Variants in STAB2 observed in about 807,000 individuals in gnomAD.
STAB2 encodes the protein stabilin 2, also known as stabilin-2.
A neutral mutation model predicts 338.1 loss-of-function variants in STAB2; 288 were observed. That is an observed-to-expected ratio of 0.85 (90% CI 0.77 to 0.94). The LOEUF (loss-of-function observed/expected upper bound fraction) is 0.94, where lower values mean the gene tolerates loss of function less well. Ranked by LOEUF, STAB2 falls within the 40% of genes least tolerant of loss-of-function variation. STAB2 has a pLI of 0.00. For missense variants in STAB2, 3,141 were observed against 3,210.1 expected (o/e 0.98, Z 0.52); for synonymous variants, 1,202 against 1,193.3 (o/e 1.01, Z -0.15).
At chr12:103,755,235 A>G (rs1884005279) in intron 61 of STAB2, 67 bp from the exon 62 acceptor site, 2 of 1,579,920 alleles carry the variant, frequency 1.3e-6, no homozygotes, top group African/African-American at 1.3e-5. Flanking sequence ...GGAATCAGAC[A>G]TTAACCAAGT....
In STAB2 at chr12:103,708,460, G is replaced by A; in HGVS notation, c.4212G>A (p.Gly1404=). The part of the protein sequence containing the change: ...HCDQACSCVH[G]RCNQGPLGDG... ...ACTTAGCATGTTCTTGTGTCCATGG[G>A]AGATGCAACCAAGGACCCTTGGGAG... Residue 1404 remains glycine (G), a synonymous_variant, in exon 39 of 69, where the codon GGG becomes GGA. Coordinates refer to ENST00000388887, the MANE Select transcript of STAB2 (RefSeq NM_017564.10). 6.2e-7 allele frequency: 1 copy of A among 1,614,112 alleles called. No individual in the cohort carries two copies. The highest frequency in any genetic ancestry group is 8.5e-7 in the Non-Finnish European group (1 of 1,179,978).
intron 38 of STAB2, 66 bp downstream of exon 38, chr12:103,707,053 G>T: frequency 6.4e-7 from 1 of 1,564,352 alleles, no homozygotes; most frequent in South Asian, 1.2e-5. Context: ...TGCAGGGAAA[G>T]AGTGATCCCA....
At chr12:103,682,642 C>G (rs968991675) in intron 25 of STAB2, among the ~76,000 whole-genome samples, 2 of 152,056 alleles carry the variant, frequency 1.3e-5, no homozygotes, top group Non-Finnish European at 2.9e-5. Context: ...TCCATAGGAC[C>G]CTCTGGAGTA....
rs1437063847 is a variant in STAB2, at chr12:103,746,831, C to T, written c.6244+127C>T. On this transcript the variant is annotated intron_variant, in intron 58 of 68. Coordinates refer to ENST00000388887, the MANE Select transcript of STAB2 (RefSeq NM_017564.10). ...GGGCCACTTCAGCAGCACCTACCCT[C>T]TCTATGACTCAGTTTCTTTAATGGG... 4.9e-6 allele frequency: 4 copies of T among 808,672 alleles called. No individual in the cohort carries two copies. In the African/African-American group the frequency reaches 5.1e-5, roughly 10 times the overall value. 50.1% of individuals were successfully genotyped at this position (808,672 alleles called of 1,614,324 possible).
intron 59 of STAB2, 106 bp from the exon 60 acceptor site, chr12:103,750,473 G>A: frequency 7.0e-7 from 1 of 1,431,114 alleles, no homozygotes; most frequent in East Asian, 2.3e-5. Context: ...CGTTCTCTTG[G>A]TCCATCTGAA....
intron 67 of STAB2, 86 bp downstream of exon 67, chr12:103,762,488 G>A (rs1002584563): frequency 3.8e-5 from 61 of 1,593,088 alleles, no homozygotes; most frequent in East Asian, 3.4e-4. Flanking sequence ...CGGTGGCTGC[G>A]CCAGAGTCCT....
intron 34 of STAB2, among the ~76,000 whole-genome samples, chr12:103,702,331 G>T (rs775611834): frequency 6.8e-6 from 1 of 146,886 alleles, no homozygotes; most frequent in African/African-American, 2.5e-5. Context: ...TCGCTCTGTC[G>T]CCCAGGCCGG....
chr12:103,588,187 C>T (rs1956741959), intron 1 of STAB2, among the ~76,000 whole-genome samples: 1 of 152,330 alleles, frequency 6.6e-6, no homozygotes, highest in Non-Finnish European at 1.5e-5. Flanking sequence ...TGAATCTTAA[C>T]CATGATTCTG....
At chr12:103,754,389 GT>G (rs1883931203) in intron 61 of STAB2, among the ~76,000 whole-genome samples, 1 of 152,106 alleles carries the variant, frequency 6.6e-6, no homozygotes, top group Non-Finnish European at 1.5e-5. Context: ...TGCCAGCTGT[GT>G]GACTTTGAGC....
chr12:103,683,036 C>A (rs1353722867), intron 25 of STAB2, among the ~76,000 whole-genome samples, 169 bp from the exon 26 acceptor site: 1 of 152,116 alleles, frequency 6.6e-6, no homozygotes, highest in African/African-American at 2.4e-5. Flanking sequence ...AATATGGAGA[C>A]TAATAACTCT....
intron 36 of STAB2, 117 bp downstream of exon 36, chr12:103,704,731 TA>T (rs1879189691): frequency 1.1e-6 from 1 of 895,240 alleles, no homozygotes; most frequent in Non-Finnish European, 1.7e-6. Flanking sequence ...TAATTTGAAT[TA>T]CACTTTACCT....
chr12:103,730,685 C>A (rs1306379576), intron 49 of STAB2, among the ~76,000 whole-genome samples: 1 of 152,162 alleles, frequency 6.6e-6, no homozygotes, highest in African/African-American at 2.4e-5. Flanking sequence ...ATCATCAAAT[C>A]TCTGGAAGGG....
In STAB2 at chr12:103,685,449, T is replaced by TGTGTGC. The variant is rs1555238701; in HGVS notation, c.2997+367_2997+372dup. Among the ~76,000 whole-genome samples the TGTGTGC allele has an allele frequency of 1.6e-3, 227 of 138,174 alleles. 2 individuals are homozygous for TGTGTGC. Among genetic ancestry groups the TGTGTGC allele is most frequent in the Non-Finnish European group, 1.8e-3 (113 of 61,844 alleles). 90.6% of individuals were successfully genotyped at this position (138,174 alleles called of 152,430 possible). On this transcript the variant is annotated intron_variant, in intron 27 of 68. Coordinates refer to ENST00000388887, the MANE Select transcript of STAB2 (RefSeq NM_017564.10). ...GTGTGTGTGTGTGTGTGTGTGTGTG[T>TGTGTGC]GTGTGCGCGTGCGTGTGTGTGTGCG... is the stretch of plus-strand genomic sequence containing the variant.
intron 2 of STAB2, among the ~76,000 whole-genome samples, 163 bp downstream of exon 2, chr12:103,591,193 A>G (rs1956792741): frequency 6.6e-6 from 1 of 152,148 alleles, no homozygotes; most frequent in Admixed American, 6.5e-5. Flanking sequence ...TATATAAAAT[A>G]TATATTGTTG....
At position 103,766,398 on chromosome 12, in the gene STAB2, T is replaced by G. The variant is rs948743131; in HGVS notation, c.*62T>G. 4.3e-5 allele frequency: 67 copies of G among 1,546,650 alleles called. No individual in the cohort carries two copies. The highest frequency in any genetic ancestry group is 5.7e-5 in the Admixed American group (3 of 52,936). ...CACCTGGGCCATCAACTGTGAATTCTCAGCACCAGTTGCCTTTTAGGAACG... is the reference window on the plus strand; with the variant it reads ...CACCTGGGCCATCAACTGTGAATTCGCAGCACCAGTTGCCTTTTAGGAACG... On this transcript the variant is annotated 3_prime_UTR_variant, in exon 69 of 69. Coordinates refer to ENST00000388887, the MANE Select transcript of STAB2 (RefSeq NM_017564.10).
At chr12:103,760,375 C>G (rs1884448824) in intron 65 of STAB2, among the ~76,000 whole-genome samples, 1 of 152,318 alleles carries the variant, frequency 6.6e-6, no homozygotes, top group Admixed American at 6.5e-5. Context: ...ATCCTCCTGC[C>G]TCAGCCTCCC....
At chr12:103,683,167 T>C (rs1427768563) in intron 25 of STAB2, 38 bp from the exon 26 acceptor site, 19 of 1,585,532 alleles carry the variant, frequency 1.2e-5, no homozygotes, top group Non-Finnish European at 1.6e-5. Flanking sequence ...AGGCACTTGC[T>C]TTCAATAATC....
chr12:103,619,764 C>A (rs981591388), intron 3 of STAB2, among the ~76,000 whole-genome samples: 1 of 151,030 alleles, frequency 6.6e-6, no homozygotes, highest in Admixed American at 6.6e-5. Flanking sequence ...CCGCCCCCGC[C>A]ACCCCACAAC....
chr12:103,735,475 G>A lies in STAB2; in HGVS notation c.5461-16G>A, dbSNP rs993657117. The stretch of plus-strand genomic sequence containing the variant: ...CCCAAATTTGGGGCAGTCACGTGGT[G>A]CCATCACTCCTACAGGTTTTAGCTG... On this transcript the variant is annotated splice_polypyrimidine_tract_variant and intron_variant, in intron 51 of 68. Transcript: ENST00000388887. 4 of 1,577,954 alleles carry A rather than the reference G, an allele frequency of 2.5e-6. No homozygotes were observed. Among genetic ancestry groups the A allele is most frequent in the South Asian group, 1.2e-5 (1 of 85,316 alleles).
Sources: allele counts gnomAD v4.1 joint callset (sites outside exome capture counted in the v4.1 genomes callset), GRCh38; gene constraint gnomAD v4.1.1; transcripts MANE v1.5; gene names NCBI Gene and HGNC (gene_info 2026-07-23, HGNC 2026-07-21).